Variants in CMC2 observed in about 807,000 individuals in gnomAD.
CMC2 encodes the protein COX assembly mitochondrial protein 2 homolog.
In CMC2, 5 loss-of-function variants were observed where a neutral mutation model predicts 7.5. The observed-to-expected ratio is 0.66, with a 90% confidence interval of 0.35 to 1.40. The LOEUF (loss-of-function observed/expected upper bound fraction) is 1.40. CMC2 is among the 40% of genes most tolerant of loss of function. The pLI, the probability that CMC2 is intolerant of heterozygous loss-of-function variation, is 0.04. For missense variants in CMC2, 115 were observed against 92.3 expected (o/e 1.25, Z -1.01); for synonymous variants, 37 against 31.4 (o/e 1.18, Z -0.60).
intron 2 of CMC2, among the ~76,000 whole-genome samples, chr16:80,989,472 A>G (rs570480729): frequency 3.2e-4 from 48 of 152,270 alleles, no homozygotes; most frequent in Admixed American, 1.4e-3. Context: ...TGTCCTTTTA[A>G]CAGTCCCTAT....
At chr16:80,999,669 A>T (rs2151649858) in intron 1 of CMC2, among the ~76,000 whole-genome samples, 1 of 152,348 alleles carries the variant, frequency 6.6e-6, no homozygotes, top group East Asian at 1.9e-4. Context: ...TCAGACTATA[A>T]GGCTACAATA....
At chr16:81,003,139 G>A (rs1396882541) in intron 1 of CMC2, among the ~76,000 whole-genome samples, 2 of 152,108 alleles carry the variant, frequency 1.3e-5, no homozygotes, top group African/African-American at 4.8e-5. Flanking sequence ...TGTATTCTGG[G>A]GTGTAATATG....
At chr16:80,993,616 T>C (rs551839537) in intron 2 of CMC2, among the ~76,000 whole-genome samples, 164 of 152,306 alleles carry the variant, frequency 1.1e-3, no homozygotes, top group South Asian at 0.01. Flanking sequence ...ATGGAGTCCT[T>C]ATAAGCCAAA....
chr16:80,984,760 C>A (rs920424261), intron 2 of CMC2, among the ~76,000 whole-genome samples: 8 of 152,204 alleles, frequency 5.3e-5, no homozygotes, highest in African/African-American at 1.9e-4. Context: ...TATCATTCCA[C>A]ATATGTACAT....
At chr16:80,996,635 T>A (rs769275233) in intron 2 of CMC2, among the ~76,000 whole-genome samples, 1 of 152,226 alleles carries the variant, frequency 6.6e-6, no homozygotes, top group African/African-American at 2.4e-5. Context: ...TATAATTTGA[T>A]ATATCTACAG....
chr16:80,988,399 A>T, intron 2 of CMC2: 1 of 597,000 alleles, frequency 1.7e-6, no homozygotes. Context: ...AAGATCAGTT[A>T]GGTAAAGTAT....
chr16:80,971,167 T>C lies in CMC2; in HGVS notation c.*4926A>G, dbSNP rs1449853051. The C allele has an allele frequency of 6.6e-6, 1 of 152,050 alleles. No homozygotes were observed. The highest frequency in any genetic ancestry group is 1.5e-5 in the Non-Finnish European group (1 of 68,006). The allele number at this position is 152,050 out of a possible 1,614,324, so 9.4% of individuals were successfully genotyped here. On this transcript the variant is annotated 3_prime_UTR_variant, in exon 4 of 4. Coordinates refer to ENST00000219400, the MANE Select transcript of CMC2 (RefSeq NM_020188.5). ...AACAACAAAAATACAAATCATAAAA[T>C]CTTAAAAACATTTGGGGTGTAATTT...
rs560252570 is a variant in CMC2, at chr16:80,973,881, C to T, written c.*2212G>A. On this transcript the variant is annotated 3_prime_UTR_variant, in exon 4 of 4. Coordinates refer to ENST00000219400, the MANE Select transcript of CMC2 (RefSeq NM_020188.5). Reference sequence around the variant, plus strand: ...AGGTGGTTTGAATATCCCATAAAAACGTACTCATATATTACTTATAAAATT... The same window carrying T: ...AGGTGGTTTGAATATCCCATAAAAATGTACTCATATATTACTTATAAAATT... 6.6e-6 allele frequency: 1 copy of T among 152,166 alleles called. No individual in the cohort carries two copies. The highest frequency in any genetic ancestry group is 2.4e-5 in the African/African-American group (1 of 41,432). The allele number at this position is 152,166 out of a possible 1,614,324, so 9.4% of individuals were successfully genotyped here.
In CMC2 at chr16:80,970,430, T is replaced by C. The variant is rs1911837263; in HGVS notation, c.*5663A>G. Reference sequence around the variant, plus strand: ...GCAGTAGAGGTTGAGCAAGTCTATCTACAATTACCAAAAGGAACTTCCTTA... The same window carrying C: ...GCAGTAGAGGTTGAGCAAGTCTATCCACAATTACCAAAAGGAACTTCCTTA... On this transcript the variant is annotated 3_prime_UTR_variant, in exon 4 of 4. Transcript: ENST00000219400. The C allele has an allele frequency of 6.6e-6, 1 of 152,220 alleles. No homozygotes were observed. The highest frequency in any genetic ancestry group is 2.1e-4 in the South Asian group (1 of 4,832). The allele number at this position is 152,220 out of a possible 1,614,324, so 9.4% of individuals were successfully genotyped here. A position where few individuals can be genotyped will look rare whatever the true frequency, so the allele number is the denominator to read the frequency against.
At chr16:81,002,674 A>G (rs1428311712) in intron 1 of CMC2, among the ~76,000 whole-genome samples, 1 of 152,220 alleles carries the variant, frequency 6.6e-6, no homozygotes, top group Non-Finnish European at 1.5e-5. Context: ...AGTACATAAA[A>G]TGGTACATAT....
intron 2 of CMC2, among the ~76,000 whole-genome samples, chr16:80,989,712 A>G (rs971326722): frequency 6.6e-6 from 1 of 152,142 alleles, no homozygotes; most frequent in Non-Finnish European, 1.5e-5. Context: ...TCTATTCTAC[A>G]TCTTATATAT....
intron 2 of CMC2, among the ~76,000 whole-genome samples, chr16:80,994,667 G>T (rs948656716): frequency 2.0e-5 from 3 of 152,146 alleles, no homozygotes; most frequent in Non-Finnish European, 4.4e-5. Context: ...TCCACACAAT[G>T]GCTGAACTTA....
Position 80,968,905 on chromosome 16 carries a change from C to A in CMC2, c.*7188G>T, listed in dbSNP as rs1028630964. On this transcript the variant is annotated 3_prime_UTR_variant, in exon 4 of 4. Transcript: ENST00000219400. ...AAAGATGGAAGATACTGAGTCTCTA[C>A]GAGGAATGGTGTGAGAAACAAGAAT... The A allele has an allele frequency of 6.6e-6, 1 of 152,170 alleles. No individual in the cohort carries two copies. Among genetic ancestry groups the A allele is most frequent in the East Asian group, 1.9e-4 (1 of 5,202 alleles). The allele number at this position is 152,170 out of a possible 1,614,324, so 9.4% of individuals were successfully genotyped here.
At chr16:80,989,307 G>C (rs971990316) in intron 2 of CMC2, among the ~76,000 whole-genome samples, 3 of 152,064 alleles carry the variant, frequency 2.0e-5, no homozygotes, top group African/African-American at 7.2e-5. Context: ...TATTTTAGTT[G>C]GCATTCTACT....
At position 80,997,364 on chromosome 16, in the gene CMC2, T is replaced by C. The variant is rs774135647; in HGVS notation, c.31A>G (p.Thr11Ala). 6.8e-6 allele frequency: 11 copies of C among 1,612,516 alleles called. No individual in the cohort carries two copies. The South Asian group carries it at 1.1e-4, about 16-fold the overall frequency. The part of the protein sequence containing the change: MHPDLSPHLH[T>A]EECNVLINLL... Reference sequence around the variant, plus strand: ...TTAATCAAGACGTTGCATTCTTCAGTGTGCAAGTGTGGAGATAAGTCAGGA... The same window carrying C: ...TTAATCAAGACGTTGCATTCTTCAGCGTGCAAGTGTGGAGATAAGTCAGGA... The change falls in exon 2 of 4, where the codon ACT (threonine) becomes GCT (alanine). Residue 11 changes from threonine (T) to alanine (A), a missense_variant. Thr to Ala is a moderately conservative substitution (Grantham distance 58, BLOSUM62 0). Coordinates refer to ENST00000219400, the MANE Select transcript of CMC2 (RefSeq NM_020188.5).
intron 1 of CMC2, among the ~76,000 whole-genome samples, chr16:81,001,864 A>C (rs555773316): frequency 1.3e-3 from 202 of 151,076 alleles, no homozygotes; most frequent in African/African-American, 4.1e-3. Context: ...ACACACACAC[A>C]CCACAGCTGA....
intron 3 of CMC2, chr16:80,980,758 G>T: frequency 2.9e-6 from 2 of 680,864 alleles, no homozygotes; most frequent in South Asian, 3.1e-5. Flanking sequence ...AACCAGGCAT[G>T]GTGGTACGCA....
intron 2 of CMC2, chr16:80,988,570 G>A (rs1438160313): frequency 2.9e-6 from 2 of 700,586 alleles, no homozygotes; most frequent in Non-Finnish European, 2.6e-6. Flanking sequence ...TCTGAACCGA[G>A]TAAGTTGCAG....
intron 2 of CMC2, among the ~76,000 whole-genome samples, chr16:80,986,980 C>G (rs527464764): frequency 6.6e-6 from 1 of 152,156 alleles, no homozygotes; most frequent in Admixed American, 6.5e-5. Flanking sequence ...TTAAGGAAAA[C>G]CAGGGAAGAG....
Sources: allele counts gnomAD v4.1 joint callset (sites outside exome capture counted in the v4.1 genomes callset), GRCh38; gene constraint gnomAD v4.1.1; transcripts MANE v1.5; gene names NCBI Gene and HGNC (gene_info 2026-07-23, HGNC 2026-07-21).